Variants in CUL5 observed in about 807,000 individuals in gnomAD.
CUL5 encodes the protein cullin-5.
CUL5 carries 26 observed loss-of-function variants against 108.8 expected under a neutral mutation model. That is an observed-to-expected ratio of 0.24 (90% CI 0.18 to 0.33). The LOEUF is 0.33. Ranked by LOEUF, CUL5 falls within the 10% of genes least tolerant of loss-of-function variation. CUL5 has a pLI of 1.00. For missense variants in CUL5, 524 were observed against 909.2 expected, an observed-to-expected ratio of 0.58 and a Z score of 5.45; for synonymous variants, 334 against 298.0, an observed-to-expected ratio of 1.12 and a Z score of -1.25.
chr11:108,026,779 A>G (rs1862461535), intron 1 of CUL5, among the ~76,000 whole-genome samples: 1 of 152,042 alleles, frequency 6.6e-6, no homozygotes, highest in African/African-American at 2.4e-5. Flanking sequence ...TCACGAGGTC[A>G]GGAGTTCGAG....
intron 2 of CUL5, among the ~76,000 whole-genome samples, chr11:108,035,501 C>T (rs1862713329): frequency 6.6e-6 from 1 of 151,820 alleles, no homozygotes; most frequent in Non-Finnish European, 1.5e-5. Flanking sequence ...CTTTGGGAGG[C>T]CAAGACAGGG....
chr11:108,084,262 A>G (rs1011617627), intron 11 of CUL5, among the ~76,000 whole-genome samples: 1 of 152,234 alleles, frequency 6.6e-6, no homozygotes, highest in African/African-American at 2.4e-5. Context: ...GAGCTATAGA[A>G]ACAGCTATGA....
At chr11:108,042,202 T>C (rs1862938464) in intron 2 of CUL5, among the ~76,000 whole-genome samples, 1 of 148,976 alleles carries the variant, frequency 6.7e-6, no homozygotes. Context: ...TGCAGTTACC[T>C]TAGTCATCCA....
intron 7 of CUL5, among the ~76,000 whole-genome samples, chr11:108,059,881 C>G (rs922756705): frequency 1.4e-4 from 2 of 14,206 alleles, no homozygotes; most frequent in Non-Finnish European, 6.4e-4. Context: ...GAGACTCTGT[C>G]TAAAAAAAAA....
chr11:108,033,779 CT>C, intron 1 of CUL5, 22 bp from the exon 2 acceptor site: 1 of 1,438,028 alleles, frequency 7.0e-7, no homozygotes, highest in Non-Finnish European at 9.6e-7. Flanking sequence ...ATTAAACTCC[CT>C]TTTATCTTTT....
At chr11:108,042,218 C>CT (rs11440201) in intron 2 of CUL5, among the ~76,000 whole-genome samples, 81,353 of 123,392 alleles carry the variant, frequency 0.66, 28,367 homozygotes, top group East Asian at 0.88. Flanking sequence ...ATCCACAATT[C>CT]TTTTTTTTTT....
At chr11:108,022,209 A>G (rs1862343420) in intron 1 of CUL5, among the ~76,000 whole-genome samples, 1 of 152,110 alleles carries the variant, frequency 6.6e-6, no homozygotes, top group South Asian at 2.1e-4. Flanking sequence ...GTTTTGTCCC[A>G]GGCGTTATGT....
At chr11:108,076,597 G>A (rs781122678) in intron 10 of CUL5, among the ~76,000 whole-genome samples, 30 of 152,000 alleles carry the variant, frequency 2.0e-4, no homozygotes, top group Non-Finnish European at 3.8e-4. Context: ...TCATATATAT[G>A]TACCAGTTTC....
chr11:108,088,723 T>C (rs1864282304), intron 12 of CUL5, 64 bp downstream of exon 12: 2 of 1,303,622 alleles, frequency 1.5e-6, no homozygotes, highest in African/African-American at 1.5e-5. Context: ...GTTTTGCTTA[T>C]AGGACTTTCT....
intron 18 of CUL5, among the ~76,000 whole-genome samples, chr11:108,102,062 C>T (rs1199680466): frequency 1.3e-5 from 2 of 152,114 alleles, no homozygotes; most frequent in East Asian, 3.9e-4. Context: ...CACCCTGTTG[C>T]CCAGGCTGGG....
At chr11:108,091,793 G>T (rs1378988239) in intron 13 of CUL5, among the ~76,000 whole-genome samples, 1 of 151,606 alleles carries the variant, frequency 6.6e-6, no homozygotes, top group East Asian at 1.9e-4. Context: ...AAGATAGACA[G>T]ATGGCCAATA....
chr11:108,033,372 C>A (rs1048541470), intron 1 of CUL5, among the ~76,000 whole-genome samples: 3 of 152,194 alleles, frequency 2.0e-5, no homozygotes, highest in Non-Finnish European at 4.4e-5. Context: ...AAACCCGTAT[C>A]TCAAGTTGTA....
chr11:108,020,091 C>T (rs148042253), intron 1 of CUL5, among the ~76,000 whole-genome samples: 116 of 152,324 alleles, frequency 7.6e-4, no homozygotes, highest in Non-Finnish European at 1.5e-3. Context: ...TGACCCAACA[C>T]TTTTCATTAG....
intron 9 of CUL5, among the ~76,000 whole-genome samples, chr11:108,072,867 G>T (rs974756435): frequency 1.3e-5 from 2 of 152,106 alleles, no homozygotes; most frequent in South Asian, 4.1e-4. Context: ...TAAAAATACA[G>T]AATTGAAAAT....
rs557429040 is a variant in CUL5, at chr11:108,052,910, C to G, written c.553+109C>G. On this transcript the variant is annotated intron_variant, in intron 5 of 18. Coordinates refer to ENST00000393094, the MANE Select transcript of CUL5 (RefSeq NM_003478.6). ...TTATTGGCATACAAAGTTACATCTA[C>G]TTTTTGTACTAGATACTTTTTTTGA... The G allele has an allele frequency of 1.5e-5, 13 of 848,772 alleles. No individual in the cohort carries two copies. The African/African-American group carries it at 1.5e-4, about 10-fold the overall frequency. 52.6% of individuals were successfully genotyped at this position (848,772 alleles called of 1,614,324 possible).
chr11:108,060,486 T>C (rs1046909683), intron 7 of CUL5, among the ~76,000 whole-genome samples: 7 of 152,198 alleles, frequency 4.6e-5, no homozygotes, highest in African/African-American at 1.7e-4. Context: ...AAATGCTTTT[T>C]TTTTTAAACG....
At chr11:108,049,779 G>C in intron 3 of CUL5, 111 bp from the exon 4 acceptor site, 7 of 812,606 alleles carry the variant, frequency 8.6e-6, no homozygotes, top group Non-Finnish European at 1.4e-5. Flanking sequence ...GGATATAAGA[G>C]CTTGTACAAT....
intron 18 of CUL5, among the ~76,000 whole-genome samples, chr11:108,103,104 C>G (rs7105261): frequency 0.024 from 3,599 of 152,122 alleles, 156 homozygotes; most frequent in African/African-American, 0.079. Flanking sequence ...CATATACATG[C>G]CTTTTGTTGG....
chr11:108,097,552 G>A, intron 16 of CUL5, 84 bp from the exon 17 acceptor site: 1 of 726,024 alleles, frequency 1.4e-6, no homozygotes, highest in Non-Finnish European at 2.4e-6. Flanking sequence ...TCTTTTTCTT[G>A]CCTATGTTGA....
Sources: allele counts gnomAD v4.1 joint callset (sites outside exome capture counted in the v4.1 genomes callset), GRCh38; gene constraint gnomAD v4.1.1; transcripts MANE v1.5; gene names NCBI Gene and HGNC (gene_info 2026-07-23, HGNC 2026-07-21).